The following DLC1 variants were observed in gnomAD, a reference collection of about 807,000 sequenced individuals.
DLC1 encodes rho GTPase-activating protein 7.
In DLC1, 54 loss-of-function variants were observed where a neutral mutation model predicts 140.3. The observed-to-expected ratio is 0.38, with a 90% CI of 0.31 to 0.48. The LOEUF (loss-of-function observed/expected upper bound fraction) is 0.48. DLC1 is among the 20% of genes least tolerant of loss of function. The pLI is 0.96. For missense variants in DLC1, 2,536 were observed against 1,907.0 expected, an observed-to-expected ratio of 1.33 and a Z score of -6.14; for synonymous variants, 986 against 728.1, an observed-to-expected ratio of 1.35 and a Z score of -5.70.
intron 5 of DLC1, among the ~76,000 whole-genome samples, chr8:13,197,780 T>C (rs1252648656): frequency 4.6e-5 from 7 of 152,144 alleles, no homozygotes; most frequent in African/African-American, 1.7e-4. Flanking sequence ...TTGGGAACTA[T>C]AAAAATTTGA....
chr8:13,434,363 G>A (rs1460974397), intron 2 of DLC1, among the ~76,000 whole-genome samples: 1 of 152,202 alleles, frequency 6.6e-6, no homozygotes. Context: ...AACATATGCA[G>A]TATGAAGAAA....
chr8:13,489,111 C>T (rs1369972027), intron 2 of DLC1, among the ~76,000 whole-genome samples: 3 of 151,992 alleles, frequency 2.0e-5, no homozygotes, highest in Non-Finnish European at 4.4e-5. Context: ...CCATGCCTGG[C>T]TAATTTTTGT....
At chr8:13,349,922 ACT>A (rs540126925) in intron 4 of DLC1, among the ~76,000 whole-genome samples, 26 of 151,912 alleles carry the variant, frequency 1.7e-4, no homozygotes, top group African/African-American at 6.3e-4. Context: ...CTGCATATGG[ACT>A]CTCTCTTTTT....
At chr8:13,096,532 G>A (rs1340275254) in intron 10 of DLC1, among the ~76,000 whole-genome samples, 2 of 151,854 alleles carry the variant, frequency 1.3e-5, no homozygotes, top group Admixed American at 6.6e-5. Flanking sequence ...TCGCTTTGTC[G>A]GGGGAGAAAA....
intron 5 of DLC1, among the ~76,000 whole-genome samples, chr8:13,174,885 T>C (rs1361886222): frequency 6.6e-6 from 1 of 152,196 alleles, no homozygotes; most frequent in Non-Finnish European, 1.5e-5. Flanking sequence ...TGTCAATTTT[T>C]GGTTTTGTTG....
At chr8:13,393,460 C>T in intron 4 of DLC1, 93 bp downstream of exon 4, 2 of 1,330,840 alleles carry the variant, frequency 1.5e-6, no homozygotes, top group African/African-American at 1.5e-5. Flanking sequence ...AAGATTCCAA[C>T]AGTATTTCTT....
At chr8:13,263,298 C>G (rs1440696436) in intron 5 of DLC1, among the ~76,000 whole-genome samples, 2 of 151,906 alleles carry the variant, frequency 1.3e-5, no homozygotes, top group African/African-American at 2.4e-5. Context: ...ACATTTTTTT[C>G]TTTTTCTAAT....
chr8:13,193,694 C>G (rs751893806), intron 5 of DLC1, among the ~76,000 whole-genome samples: 1 of 152,164 alleles, frequency 6.6e-6, no homozygotes, highest in Admixed American at 6.5e-5. Context: ...GAAGTGAGTA[C>G]ATTCAAGGGT....
chr8:13,097,111 A>G (rs571857645), intron 10 of DLC1, among the ~76,000 whole-genome samples: 2 of 152,296 alleles, frequency 1.3e-5, no homozygotes, highest in Admixed American at 6.5e-5. Flanking sequence ...AATGCATTTC[A>G]TCTCTACATT....
intron 5 of DLC1, among the ~76,000 whole-genome samples, chr8:13,122,305 C>A (rs78853505): frequency 0.034 from 5,120 of 152,276 alleles, 131 homozygotes; most frequent in East Asian, 0.05. Flanking sequence ...TAAGCTTGCT[C>A]CAGGCTTTCC....
chr8:13,101,958 A>G (rs1402956356), intron 8 of DLC1, among the ~76,000 whole-genome samples: 1 of 152,148 alleles, frequency 6.6e-6, no homozygotes, highest in African/African-American at 2.4e-5. Flanking sequence ...CAAGTTTCAC[A>G]GGACAATGAG....
rs1047811187 is a variant in DLC1 at position 13,100,383 on chromosome 8, T to C, written c.1954A>G (p.Ser652Gly). Reference sequence around the variant, plus strand: ...GCAGTTTTTTCGTGGCCTTTCATGCTGAAGCTGAAGCTGGACAGTTCCTTG... The same window carrying C: ...GCAGTTTTTTCGTGGCCTTTCATGCCGAAGCTGAAGCTGGACAGTTCCTTG... Reference protein sequence around the residue: ...SPKELSSFSFSMKGHEKTAKS... With the variant: ...SPKELSSFSFGMKGHEKTAKS... The change falls in exon 9 of 18, where the codon AGC becomes GGC. Residue 652 changes from serine (S) to glycine (G), a missense_variant. By Grantham distance (56) the Ser-to-Gly change is moderately conservative. Coordinates refer to ENST00000276297, the MANE Select transcript of DLC1 (RefSeq NM_182643.3). The C allele has an allele frequency of 6.2e-7, 1 of 1,614,180 alleles. No homozygotes were observed. Among genetic ancestry groups the C allele is most frequent in the African/African-American group, 1.3e-5 (1 of 75,058 alleles).
chr8:13,236,638 T>C (rs1829295079), intron 5 of DLC1, among the ~76,000 whole-genome samples: 1 of 152,250 alleles, frequency 6.6e-6, no homozygotes, highest in Admixed American at 6.5e-5. Flanking sequence ...CTGTTACAAC[T>C]CTGAGACAGG....
chr8:13,559,452 C>T (rs1048346021), intron 1 of DLC1: 2 of 152,126 alleles, frequency 1.3e-5, no homozygotes, highest in African/African-American at 4.8e-5. Context: ...GCTCTCTTTT[C>T]CAGGGCAGGG....
intron 5 of DLC1, among the ~76,000 whole-genome samples, chr8:13,140,289 G>A (rs567416882): frequency 6.6e-6 from 1 of 152,246 alleles, no homozygotes; most frequent in Admixed American, 6.5e-5. Context: ...CTAGAGTGCA[G>A]TGGTGTGACC....
chr8:13,111,820 C>G (rs768984382), intron 6 of DLC1, among the ~76,000 whole-genome samples: 1 of 151,970 alleles, frequency 6.6e-6, no homozygotes, highest in Non-Finnish European at 1.5e-5. Context: ...TCAGTCATCA[C>G]AGCAGGAAAC....
chr8:13,144,068 G>C (rs186112486), intron 5 of DLC1, among the ~76,000 whole-genome samples: 112 of 152,238 alleles, frequency 7.4e-4, no homozygotes, highest in African/African-American at 2.6e-3. Context: ...TCATTTCTGG[G>C]TATCTTTATG....
At chr8:13,296,649 T>G (rs1221798107) in intron 5 of DLC1, among the ~76,000 whole-genome samples, 1 of 152,126 alleles carries the variant, frequency 6.6e-6, no homozygotes, top group Admixed American at 6.5e-5. Flanking sequence ...AACTATTTCT[T>G]GAGCACCTAC....
intron 4 of DLC1, among the ~76,000 whole-genome samples, chr8:13,383,516 G>T (rs534038223): frequency 2.0e-5 from 3 of 152,292 alleles, no homozygotes; most frequent in South Asian, 4.2e-4. Flanking sequence ...TTTGGAGCAG[G>T]CTAGTGCTTT....
Sources: allele counts gnomAD v4.1 joint callset (sites outside exome capture counted in the v4.1 genomes callset), GRCh38; gene constraint gnomAD v4.1.1; transcripts MANE v1.5; gene names NCBI Gene and HGNC (gene_info 2026-07-23, HGNC 2026-07-21).